Variants in STK3 observed in about 807,000 individuals in gnomAD.
STK3 encodes serine/threonine-protein kinase 3.
In STK3, 41 loss-of-function variants were observed where a neutral mutation model predicts 58.0. The observed-to-expected ratio is 0.71, with a 90% confidence interval of 0.55 to 0.92. The LOEUF (loss-of-function observed/expected upper bound fraction) is 0.92, where lower values mean the gene tolerates loss of function less well. Among genes scored for constraint, STK3 ranks in the 40% least tolerant of loss-of-function variants. The probability of loss-of-function intolerance (pLI) is 0.00; values close to 1 mark genes in which losing one functional copy is unlikely to be tolerated. For synonymous variants in STK3, 170 were observed against 191.0 expected (o/e 0.89, Z 0.91); for missense variants, 479 against 602.7 (o/e 0.79, Z 2.15).
chr8:98,795,829 T>C (rs1344561257), intron 1 of STK3, among the ~76,000 whole-genome samples: 1 of 151,130 alleles, frequency 6.6e-6, no homozygotes, highest in Non-Finnish European at 1.5e-5. Flanking sequence ...TACAATACAA[T>C]ACAATACAAT....
intron 6 of STK3, among the ~76,000 whole-genome samples, chr8:98,674,052 C>T (rs912725069): frequency 2.6e-5 from 4 of 152,086 alleles, no homozygotes; most frequent in African/African-American, 7.2e-5. Flanking sequence ...AAGGAACTCT[C>T]GCTTCCTCCA....
At chr8:98,400,464 T>C (rs1462813820), downstream of STK3, among the ~76,000 whole-genome samples, 1 of 152,210 alleles carries the variant, frequency 6.6e-6, no homozygotes, top group Admixed American at 6.5e-5. Context: ...GGCTCTGTCC[T>C]GAACGTCTCA....
chr8:98,694,580 T>C (rs528953498), intron 6 of STK3, among the ~76,000 whole-genome samples: 19 of 152,296 alleles, frequency 1.2e-4, no homozygotes, highest in Non-Finnish European at 2.6e-4. Flanking sequence ...AATTCCCATC[T>C]ATGAGTGAGA....
At chr8:98,453,275 G>C (rs1313779364), downstream of STK3, among the ~76,000 whole-genome samples, 1 of 150,358 alleles carries the variant, frequency 6.7e-6, no homozygotes, top group Non-Finnish European at 1.5e-5. Flanking sequence ...TTTCAGTAGA[G>C]ATGGGGTTTC....
chr8:98,710,600 G>A (rs548052602), intron 4 of STK3, among the ~76,000 whole-genome samples: 4 of 152,326 alleles, frequency 2.6e-5, no homozygotes, highest in South Asian at 2.1e-4. Context: ...GGGGAGGGGC[G>A]CCTGCCATTG....
intron 3 of STK3, among the ~76,000 whole-genome samples, chr8:98,864,392 A>G (rs1837054667): frequency 6.6e-6 from 1 of 152,178 alleles, no homozygotes; most frequent in African/African-American, 2.4e-5. Context: ...TAAGTCTCTA[A>G]GGACATTATA....
intron 1 of STK3, among the ~76,000 whole-genome samples, chr8:98,933,272 A>C (rs1419255405): frequency 1.3e-5 from 2 of 152,200 alleles, no homozygotes; most frequent in African/African-American, 4.8e-5. Context: ...TAAAAAAGCG[A>C]AATACATTTG....
At chr8:98,435,218 C>G (rs906131807) in intron 2 of STK3, among the ~76,000 whole-genome samples, 1 of 152,212 alleles carries the variant, frequency 6.6e-6, no homozygotes, top group Non-Finnish European at 1.5e-5. Context: ...GCCAGCCAGA[C>G]AGGGCATGGT....
chr8:98,515,507 T>C (rs1824861039), intron 10 of STK3, among the ~76,000 whole-genome samples: 2 of 152,158 alleles, frequency 1.3e-5, no homozygotes, highest in Admixed American at 1.3e-4. Context: ...TCAGTTTTGC[T>C]ACTACCCAGA....
intron 10 of STK3, among the ~76,000 whole-genome samples, chr8:98,470,023 G>A (rs1040757171): frequency 2.0e-5 from 3 of 152,174 alleles, no homozygotes; most frequent in African/African-American, 7.2e-5. Flanking sequence ...CAGACCTAGT[G>A]CTGAGCTGCT....
At chr8:98,763,929 C>T (rs1199084350) in intron 3 of STK3, among the ~76,000 whole-genome samples, 1 of 152,210 alleles carries the variant, frequency 6.6e-6, no homozygotes, top group Non-Finnish European at 1.5e-5. Flanking sequence ...CCCACCTCCG[C>T]CTCCCAAAGT....
chr8:98,478,405 G>A lies in STK3; in HGVS notation c.1318-22405C>T, dbSNP rs113645785. On this transcript the variant is annotated intron_variant, in intron 10 of 10. Coordinates refer to ENST00000419617, the MANE Select transcript of STK3 (RefSeq NM_006281.4). ...ACTAAGCTTGGGCTTAAGATCCATC[G>A]AGTTCGCCTCCCGAGCAGAGCAAAG... is the stretch of plus-strand genomic sequence containing the variant. 6.4e-4 allele frequency among the ~76,000 whole-genome samples: 97 copies of A among 152,266 alleles called. 1 individual carries two copies. In the South Asian group the frequency reaches 8.5e-3, roughly 13 times the overall value.
At chr8:98,403,949 T>G (rs1252693329) in intron 3 of STK3, among the ~76,000 whole-genome samples, 1 of 152,202 alleles carries the variant, frequency 6.6e-6, no homozygotes, top group Non-Finnish European at 1.5e-5. Context: ...TTTATTTGAT[T>G]TGTTTCAGTA....
chr8:98,714,886 A>G (rs1392987691), intron 4 of STK3, among the ~76,000 whole-genome samples: 4 of 152,226 alleles, frequency 2.6e-5, no homozygotes, highest in Non-Finnish European at 4.4e-5. Flanking sequence ...CAAATACACT[A>G]CAAGGCTATA....
intron 1 of STK3, among the ~76,000 whole-genome samples, chr8:98,382,652 A>T (rs1383534159): frequency 1.3e-5 from 2 of 152,056 alleles, no homozygotes. Flanking sequence ...GTATCCCCAC[A>T]TTCTAACCAG....
chr8:98,788,685 G>C (rs753007330), intron 1 of STK3, among the ~76,000 whole-genome samples: 5 of 151,924 alleles, frequency 3.3e-5, no homozygotes, highest in African/African-American at 4.8e-5. Flanking sequence ...GACAAAGAGA[G>C]TCATAAAAGG....
chr8:98,584,207 C>T (rs976992167), intron 7 of STK3, among the ~76,000 whole-genome samples: 3 of 151,908 alleles, frequency 2.0e-5, no homozygotes, highest in Admixed American at 2.0e-4. Context: ...ACTAACTTGT[C>T]ATCTAGCATT....
At chr8:98,585,528 G>A (rs1414477572) in intron 7 of STK3, among the ~76,000 whole-genome samples, 3 of 149,858 alleles carry the variant, frequency 2.0e-5, no homozygotes, top group Non-Finnish European at 3.0e-5. Flanking sequence ...GTCAGGTAGT[G>A]TGATGCCTCC....
chr8:98,652,093 T>G (rs1820992849), intron 6 of STK3, among the ~76,000 whole-genome samples: 1 of 152,124 alleles, frequency 6.6e-6, no homozygotes, highest in South Asian at 2.1e-4. Flanking sequence ...AAAGGTCAAG[T>G]TACCCACAAA....
Sources: gnomAD v4.1 joint callset for allele counts (sites outside exome capture counted in the v4.1 genomes callset) on GRCh38, gnomAD v4.1.1 for gene constraint, MANE v1.5 for transcripts, NCBI Gene and HGNC (gene_info 2026-07-23, HGNC 2026-07-21) for gene names.